GNA14: variants seen among roughly 807,000 people sequenced by gnomAD.
GNA14 encodes G protein subunit alpha 14, also known as guanine nucleotide-binding protein subunit alpha-14.
A neutral mutation model predicts 42.0 loss-of-function variants in GNA14; 50 were observed. The observed-to-expected ratio is 1.19, with a 90% CI of 0.95 to 1.51. GNA14 has a LOEUF of 1.51. Among genes scored for constraint, GNA14 ranks in the 40% most tolerant of loss-of-function variants. The pLI is 0.00. For missense variants in GNA14, 473 were observed against 446.2 expected, an observed-to-expected ratio of 1.06 and a Z score of -0.54; for synonymous variants, 173 against 163.1, an observed-to-expected ratio of 1.06 and a Z score of -0.46.
intron 1 of GNA14, among the ~76,000 whole-genome samples, chr9:77,622,908 A>G (rs200355305): frequency 0.074 from 9,879 of 133,186 alleles, 784 homozygotes; most frequent in African/African-American, 0.22. Context: ...AAAAAAAAAA[A>G]GAAAAATTTT....
At chr9:77,629,003 C>A (rs1037115959) in intron 1 of GNA14, among the ~76,000 whole-genome samples, 2 of 151,858 alleles carry the variant, frequency 1.3e-5, no homozygotes, top group African/African-American at 4.8e-5. Flanking sequence ...ACAAAGGGTT[C>A]ATATCCAGAA....
At chr9:77,603,964 A>AC (rs1823610893) in intron 1 of GNA14, among the ~76,000 whole-genome samples, 1 of 141,374 alleles carries the variant, frequency 7.1e-6, no homozygotes, top group African/African-American at 2.9e-5. Flanking sequence ...AACAAAAAAA[A>AC]AAAAAAAAAA....
chr9:77,572,772 C>T (rs573719591), intron 1 of GNA14, among the ~76,000 whole-genome samples: 30 of 152,224 alleles, frequency 2.0e-4, no homozygotes, highest in Admixed American at 1.6e-3. Flanking sequence ...CCTGGGGACT[C>T]TGTACATTTT....
chr9:77,436,379 T>C (rs943028448), intron 2 of GNA14, among the ~76,000 whole-genome samples: 2 of 152,236 alleles, frequency 1.3e-5, no homozygotes, highest in African/African-American at 4.8e-5. Flanking sequence ...GTACCTGAAT[T>C]ATAAAGTGTT....
intron 1 of GNA14, among the ~76,000 whole-genome samples, chr9:77,586,100 C>T (rs1445056290): frequency 6.6e-6 from 1 of 152,082 alleles, no homozygotes; most frequent in Non-Finnish European, 1.5e-5. Context: ...GAAATCAGGA[C>T]ACAAGAATTG....
At chr9:77,626,061 G>GA (rs57888509) in intron 1 of GNA14, among the ~76,000 whole-genome samples, 38,889 of 140,956 alleles carry the variant, frequency 0.28, 5,693 homozygotes, top group African/African-American at 0.42. Context: ...CAAATGGAAA[G>GA]AAAAAAAAAA....
chr9:77,640,123 A>G (rs1824235440), intron 1 of GNA14, among the ~76,000 whole-genome samples: 1 of 152,174 alleles, frequency 6.6e-6, no homozygotes, highest in Non-Finnish European at 1.5e-5. Context: ...GTCTGCAGAG[A>G]GGGCTCTCAA....
intron 2 of GNA14, among the ~76,000 whole-genome samples, chr9:77,439,866 G>A (rs889907558): frequency 2.0e-5 from 3 of 152,148 alleles, no homozygotes; most frequent in African/African-American, 7.2e-5. Flanking sequence ...AAGAGGACAA[G>A]GGTTAGGGGA....
At chr9:77,570,234 C>A (rs1823040413) in intron 1 of GNA14, among the ~76,000 whole-genome samples, 1 of 152,080 alleles carries the variant, frequency 6.6e-6, no homozygotes, top group African/African-American at 2.4e-5. Context: ...GAAATATAAT[C>A]AACATACTAT....
At chr9:77,476,194 C>A (rs1327234632) in intron 2 of GNA14, among the ~76,000 whole-genome samples, 1 of 152,180 alleles carries the variant, frequency 6.6e-6, no homozygotes, top group Non-Finnish European at 1.5e-5. Flanking sequence ...TAGCACCCAA[C>A]TTCCTGGGGA....
At chr9:77,590,751 A>C (rs1027696698) in intron 1 of GNA14, among the ~76,000 whole-genome samples, 7 of 152,180 alleles carry the variant, frequency 4.6e-5, no homozygotes, top group African/African-American at 1.7e-4. Flanking sequence ...TTAGGAAGAT[A>C]CTATTACTTA....
Position 77,529,131 on chromosome 9 carries a change from T to C in GNA14, c.247A>G (p.Met83Val). The change falls in exon 2 of 7, where the codon ATG (methionine) becomes GTG (valine). Residue 83 changes from methionine to valine, a missense_variant. By Grantham distance (21) the Met-to-Val change is conservative (BLOSUM62 1). Coordinates refer to ENST00000341700, the MANE Select transcript of GNA14 (RefSeq NM_004297.4). ...TCCATCGCTCTGATCATGGCTTGCA[T>C]GGCGGTGAATATGTTTTGGTAAACC... Reference protein sequence around the residue: ...KLVYQNIFTAMQAMIRAMDTL... With the variant: ...KLVYQNIFTAVQAMIRAMDTL... 6.2e-7 allele frequency: 1 copy of C among 1,614,192 alleles called. No individual in the cohort carries two copies. Among genetic ancestry groups the C allele is most frequent in the Non-Finnish European group, 8.5e-7 (1 of 1,180,006 alleles).
chr9:77,643,013 A>G (rs1824292684), intron 1 of GNA14, among the ~76,000 whole-genome samples: 1 of 151,980 alleles, frequency 6.6e-6, no homozygotes, highest in South Asian at 2.1e-4. Context: ...CTCCCCCTTT[A>G]CGCTCTGCCT....
chr9:77,570,000 C>T (rs1422701156), intron 1 of GNA14, among the ~76,000 whole-genome samples: 1 of 151,944 alleles, frequency 6.6e-6, no homozygotes, highest in Non-Finnish European at 1.5e-5. Context: ...CTCTTGACCT[C>T]GTGATCCGCT....
chr9:77,426,901 G>A (rs1240485585), intron 5 of GNA14, among the ~76,000 whole-genome samples: 1 of 151,682 alleles, frequency 6.6e-6, no homozygotes, highest in African/African-American at 2.4e-5. Context: ...CACTCAAGAG[G>A]GACACGCCAT....
chr9:77,573,065 T>C (rs887113809), intron 1 of GNA14, among the ~76,000 whole-genome samples: 2 of 152,194 alleles, frequency 1.3e-5, no homozygotes, highest in African/African-American at 4.8e-5. Flanking sequence ...GTTACTTTTA[T>C]CAATCCTTGA....
At chr9:77,512,005 C>A (rs941541831) in intron 2 of GNA14, among the ~76,000 whole-genome samples, 2 of 152,128 alleles carry the variant, frequency 1.3e-5, no homozygotes, top group African/African-American at 2.4e-5. Context: ...CCCGGCCCTA[C>A]CTTGGAGCCT....
intron 2 of GNA14, among the ~76,000 whole-genome samples, chr9:77,496,657 C>A (rs1836875881): frequency 6.6e-6 from 1 of 152,186 alleles, no homozygotes; most frequent in South Asian, 2.1e-4. Flanking sequence ...TTCCTAGGTA[C>A]ATTCTTTCAG....
intron 2 of GNA14, chr9:77,518,140 A>G (rs930411242): frequency 6.6e-6 from 1 of 152,122 alleles, no homozygotes; most frequent in African/African-American, 2.4e-5. Flanking sequence ...TATCACCAGG[A>G]GCCAACATAG....
Sources: allele counts gnomAD v4.1 joint callset (sites outside exome capture counted in the v4.1 genomes callset), GRCh38; gene constraint gnomAD v4.1.1; transcripts MANE v1.5; gene names NCBI Gene and HGNC (gene_info 2026-07-23, HGNC 2026-07-21).